Variants in EIF4ENIF1 observed in about 807,000 individuals in gnomAD.
EIF4ENIF1 encodes the protein eukaryotic translation initiation factor 4E transporter.
EIF4ENIF1 carries 23 observed loss-of-function variants against 110.5 expected under a neutral mutation model. The observed-to-expected ratio is 0.21, with a 90% CI of 0.15 to 0.29. EIF4ENIF1 has a LOEUF of 0.29. Among genes scored for constraint, EIF4ENIF1 ranks in the 10% least tolerant of loss-of-function variants. EIF4ENIF1 has a pLI of 1.00. For missense variants in EIF4ENIF1, 1,031 were observed against 1,221.1 expected (o/e 0.84, Z 2.32); for synonymous variants, 440 against 437.0 (o/e 1.01, Z -0.09).
intron 4 of EIF4ENIF1, among the ~76,000 whole-genome samples, chr22:31,465,498 G>C (rs757000754): frequency 6.6e-6 from 1 of 152,162 alleles, no homozygotes; most frequent in Non-Finnish European, 1.5e-5. Context: ...CTATTACAAT[G>C]GCTAAAATTT....
intron 4 of EIF4ENIF1, 60 bp from the exon 5 acceptor site, chr22:31,464,027 T>C: frequency 6.4e-7 from 1 of 1,550,554 alleles, no homozygotes; most frequent in Non-Finnish European, 8.7e-7. Context: ...TCTTCTTTTT[T>C]AGATAGTATG....
intron 2 of EIF4ENIF1, 136 bp downstream of exon 2, chr22:31,488,487 T>C (rs2052128876): frequency 3.0e-6 from 4 of 1,311,654 alleles, no homozygotes; most frequent in Non-Finnish European, 4.3e-6. Flanking sequence ...AGTAATGCAC[T>C]ACTAAATTTA....
chr22:31,455,011 A>G (rs2050773382), intron 9 of EIF4ENIF1, 125 bp downstream of exon 9: 2 of 779,470 alleles, frequency 2.6e-6, no homozygotes, highest in Middle Eastern at 4.0e-4. Context: ...AAAAAAGAAC[A>G]TTAAACAAAA....
chr22:31,466,418 G>A (rs1178096789), intron 4 of EIF4ENIF1, among the ~76,000 whole-genome samples: 1 of 150,194 alleles, frequency 6.7e-6, no homozygotes, highest in Non-Finnish European at 1.5e-5. Flanking sequence ...GTCTCGGTGG[G>A]GGGAAAAAAA....
At position 31,471,824 on chromosome 22, in the gene EIF4ENIF1, G is replaced by T; in HGVS notation, c.170+20C>A. Reference sequence around the variant, plus strand: ...AAGTTATTGACTAGAAGTAGTTAAGGACTAGAATGACACACATACCTGTCA... The same window carrying T: ...AAGTTATTGACTAGAAGTAGTTAAGTACTAGAATGACACACATACCTGTCA... On this transcript the variant is annotated intron_variant, in intron 3 of 18. Coordinates refer to ENST00000330125, the MANE Select transcript of EIF4ENIF1 (RefSeq NM_019843.4). The T allele has an allele frequency of 6.3e-7, 1 of 1,583,120 alleles. No homozygotes were observed. Among genetic ancestry groups the T allele is most frequent in the South Asian group, 1.2e-5 (1 of 85,346 alleles).
intron 18 of EIF4ENIF1, among the ~76,000 whole-genome samples, 165 bp downstream of exon 18, chr22:31,440,539 A>G (rs774038658): frequency 6.6e-6 from 1 of 152,374 alleles, no homozygotes; most frequent in Non-Finnish European, 1.5e-5. Flanking sequence ...CCCAAATTGC[A>G]TAGAGGTCAA....
At chr22:31,465,231 G>C (rs1454159980) in intron 4 of EIF4ENIF1, among the ~76,000 whole-genome samples, 1 of 150,950 alleles carries the variant, frequency 6.6e-6, no homozygotes, top group East Asian at 2.0e-4. Flanking sequence ...GCTGAGGCAG[G>C]AGAATCGCTT....
At chr22:31,477,138 C>T (rs1008394126) in intron 2 of EIF4ENIF1, among the ~76,000 whole-genome samples, 7 of 150,896 alleles carry the variant, frequency 4.6e-5, no homozygotes, top group East Asian at 1.9e-4. Flanking sequence ...AGAGGCCGGA[C>T]GTATTACTTG....
Position 31,440,760 on chromosome 22 carries a change from G to C in EIF4ENIF1, c.2660C>G (p.Pro887Arg). The change falls in exon 18 of 19, where the codon CCT becomes CGT. Residue 887 changes from proline (P) to arginine (R), a missense_variant. Coordinates refer to ENST00000330125, the MANE Select transcript of EIF4ENIF1 (RefSeq NM_019843.4). Reference protein sequence around the residue: ...LPAASHPLLNPRPGTPLHLAM... With the variant: ...LPAASHPLLNRRPGTPLHLAM... ...CAGATGCAGAGGTGTTCCAGGACGA[G>C]GGTTTAAGAGAGGGTGACTAGCAGC... The C allele has an allele frequency of 6.2e-7, 1 of 1,614,032 alleles. No individual in the cohort carries two copies. Among genetic ancestry groups the C allele is most frequent in the East Asian group, 2.2e-5 (1 of 44,886 alleles).
intron 10 of EIF4ENIF1, among the ~76,000 whole-genome samples, chr22:31,452,272 A>C (rs2050696767): frequency 6.6e-6 from 1 of 152,212 alleles, no homozygotes; most frequent in Non-Finnish European, 1.5e-5. Flanking sequence ...ACTTAACAAC[A>C]TGCAAATTGA....
intron 11 of EIF4ENIF1, 100 bp downstream of exon 11, chr22:31,450,189 C>T (rs2050602303): frequency 4.5e-6 from 4 of 893,364 alleles, no homozygotes; most frequent in Non-Finnish European, 7.3e-6. Context: ...CCAGGCAACA[C>T]AGATCATTTT....
At chr22:31,459,251 G>A (rs1411918544) in intron 6 of EIF4ENIF1, among the ~76,000 whole-genome samples, 1 of 150,968 alleles carries the variant, frequency 6.6e-6, no homozygotes, top group Non-Finnish European at 1.5e-5. Context: ...TTTTTCTAGT[G>A]ATTTTTTTTT....
At chr22:31,448,287 G>A (rs1370085575) in intron 12 of EIF4ENIF1, 55 bp from the exon 13 acceptor site, 2 of 1,563,660 alleles carry the variant, frequency 1.3e-6, no homozygotes, top group Non-Finnish European at 1.8e-6. Flanking sequence ...GCATCAGGGA[G>A]GCATTTTCAT....
At chr22:31,458,251 A>G (rs1372469254) in intron 7 of EIF4ENIF1, among the ~76,000 whole-genome samples, 1 of 152,016 alleles carries the variant, frequency 6.6e-6, no homozygotes, top group Non-Finnish European at 1.5e-5. Flanking sequence ...CAACAAAAAA[A>G]GAATTTTTAG....
At chr22:31,458,055 C>T (rs2050881745) in intron 7 of EIF4ENIF1, among the ~76,000 whole-genome samples, 1 of 151,916 alleles carries the variant, frequency 6.6e-6, no homozygotes. Flanking sequence ...TAGTGAAACC[C>T]CATCTCTACT....
rs569052172 is a variant in EIF4ENIF1, at chr22:31,482,294, T to C, written c.96+6329A>G. 2.3e-4 allele frequency among the ~76,000 whole-genome samples: 35 copies of C among 152,328 alleles called. 1 individual carries two copies. The South Asian group carries it at 6.6e-3, about 29-fold the overall frequency. On this transcript the variant is annotated intron_variant, in intron 2 of 18. Transcript: ENST00000330125. ...TCTGAGTGTCTCTGCTTTTATTCCC[T>C]GTCCAACTGGCAGGTGACAGTCATT... is the stretch of plus-strand genomic sequence containing the variant.
At chr22:31,458,771 G>A (rs1009056868) in intron 6 of EIF4ENIF1, 121 bp from the exon 7 acceptor site, 34 of 853,632 alleles carry the variant, frequency 4.0e-5, no homozygotes, top group African/African-American at 3.9e-4. Flanking sequence ...CAGACTTCTC[G>A]TGCAGGTACT....
intron 16 of EIF4ENIF1, 74 bp from the exon 17 acceptor site, chr22:31,442,192 A>G: frequency 8.6e-7 from 1 of 1,165,926 alleles, no homozygotes; most frequent in South Asian, 1.5e-5. Flanking sequence ...GGTCTAATAA[A>G]TCTCATTTCT....
downstream of EIF4ENIF1, chr22:31,437,540 T>C (rs2145877091): frequency 6.7e-6 from 1 of 148,898 alleles, no homozygotes; most frequent in South Asian, 2.2e-4. Flanking sequence ...CTGATACTCT[T>C]AGCAATACTC....
Sources: gnomAD v4.1 joint callset for allele counts (sites outside exome capture counted in the v4.1 genomes callset) on GRCh38, gnomAD v4.1.1 for gene constraint, MANE v1.5 for transcripts, NCBI Gene and HGNC (gene_info 2026-07-23, HGNC 2026-07-21) for gene names.